The following RTF2 variants were observed in gnomAD, a reference collection of about 807,000 sequenced individuals.
The protein encoded by RTF2 is replication termination factor 2.
In RTF2, 18 loss-of-function variants were observed where a neutral mutation model predicts 38.0. The ratio of observed to expected loss-of-function variants is 0.47; its 90% confidence interval spans 0.33 to 0.70. The LOEUF (loss-of-function observed/expected upper bound fraction) is 0.70, where lower values mean the gene tolerates loss of function less well. RTF2 is among the 30% of genes least tolerant of loss of function. The pLI is 0.02. For missense variants in RTF2, 311 were observed against 379.6 expected, an observed-to-expected ratio of 0.82 and a Z score of 1.50; for synonymous variants, 126 against 137.1, an observed-to-expected ratio of 0.92 and a Z score of 0.57.
chr20:56,484,994 C>T (rs1443496661), intron 5 of RTF2, among the ~76,000 whole-genome samples: 2 of 152,152 alleles, frequency 1.3e-5, no homozygotes, highest in African/African-American at 2.4e-5. Context: ...TAGGGGCCAT[C>T]GTCTCTTCTA....
chr20:56,483,192 T>A (rs1458384005), intron 4 of RTF2, among the ~76,000 whole-genome samples: 2 of 152,150 alleles, frequency 1.3e-5, no homozygotes, highest in Non-Finnish European at 2.9e-5. Flanking sequence ...TTTGCACACT[T>A]GTGGGCATGT....
chr20:56,484,150 G>A lies in RTF2; in HGVS notation c.438G>A (p.Glu146=). The A allele has an allele frequency of 6.2e-7, 1 of 1,614,152 alleles. No individual in the cohort carries two copies. Among genetic ancestry groups the A allele is most frequent in the Non-Finnish European group, 8.5e-7 (1 of 1,180,018 alleles). The change falls in exon 5 of 9, where the codon GAG becomes GAA. Residue 146 remains glutamate, a synonymous_variant. Transcript: ENST00000357348. Reference sequence around the variant, plus strand: ...GGTGCTGCGGCTGTGTGTTTTCTGAGCGAGCCTTGAAAGAGATAAAAGCGG... The same window carrying A: ...GGTGCTGCGGCTGTGTGTTTTCTGAACGAGCCTTGAAAGAGATAAAAGCGG... ...FLRCCGCVFS[E]RALKEIKAEV...
intron 4 of RTF2, 79 bp from the exon 5 acceptor site, chr20:56,484,032 T>G: frequency 8.3e-7 from 1 of 1,203,680 alleles, no homozygotes; most frequent in Non-Finnish European, 1.2e-6. Context: ...TTGTGGTTCT[T>G]GGCCTTTGTA....
Position 56,473,467 on chromosome 20 carries a change from T to C in RTF2, c.164+72T>C, listed in dbSNP as rs907271957. The stretch of plus-strand genomic sequence containing the variant: ...AGAATTTTGATGTGTAAATGCAGTT[T>C]TCCATTCATCAAGCGTGGATTATCC... On this transcript the variant is annotated intron_variant, in intron 2 of 8. Coordinates refer to ENST00000357348, the MANE Select transcript of RTF2 (RefSeq NM_016407.5). 3 of 1,125,060 alleles carry C rather than the reference T, an allele frequency of 2.7e-6. No homozygotes were observed. The African/African-American group carries it at 4.6e-5, about 17-fold the overall frequency. The allele number at this position is 1,125,060 out of a possible 1,614,324, so 69.7% of individuals were successfully genotyped here.
intron 6 of RTF2, 129 bp downstream of exon 6, chr20:56,513,557 C>T: frequency 1.7e-6 from 2 of 1,190,334 alleles, no homozygotes; most frequent in Non-Finnish European, 2.3e-6. Context: ...CTAGAAGGGC[C>T]TGGACTGTAG....
intron 5 of RTF2, among the ~76,000 whole-genome samples, chr20:56,485,212 G>A (rs1041344910): frequency 1.3e-5 from 2 of 152,164 alleles, no homozygotes; most frequent in Non-Finnish European, 2.9e-5. Context: ...ATATCTGGAG[G>A]TTTGAGCTGA....
intron 4 of RTF2, among the ~76,000 whole-genome samples, chr20:56,477,378 A>G (rs1373720361): frequency 2.0e-5 from 3 of 152,170 alleles, no homozygotes; most frequent in East Asian, 1.9e-4. Context: ...CCTGAAGTGA[A>G]GTGGGATTCT....
intron 1 of RTF2, among the ~76,000 whole-genome samples, chr20:56,472,886 T>C (rs1267479803): frequency 6.6e-6 from 1 of 152,212 alleles, no homozygotes; most frequent in East Asian, 1.9e-4. Context: ...ATGCTTTCAA[T>C]ACCAGCAGTT....
chr20:56,468,633 T>G lies in RTF2; in HGVS notation c.-65T>G. The G allele has an allele frequency of 6.8e-7, 1 of 1,466,438 alleles. No individual in the cohort carries two copies. The highest frequency in any genetic ancestry group is 2.0e-5 in the Admixed American group (1 of 50,370). The allele number at this position is 1,466,438 out of a possible 1,614,324, so 90.8% of individuals were successfully genotyped here. ...CGGTGCGCCGGAAGTGGCTGCGGAT[T>G]TCGCCGGAAATCCCGGAAGTGACAG... On this transcript the variant is annotated 5_prime_UTR_variant, in exon 1 of 9. In the 5' UTR this introduces an upstream ATG that the reference lacks. Coordinates refer to ENST00000357348, the MANE Select transcript of RTF2 (RefSeq NM_016407.5).
intron 1 of RTF2, chr20:56,472,280 CTCTTCCTATTT>C: frequency 9.5e-7 from 1 of 1,049,546 alleles, no homozygotes; most frequent in South Asian, 1.5e-5. Flanking sequence ...TTTTTCTTTT[CTCTTCCTATTT>C]TCTTCCAAAT....
intron 4 of RTF2, among the ~76,000 whole-genome samples, chr20:56,481,073 G>A (rs752327817): frequency 6.6e-6 from 1 of 152,124 alleles, no homozygotes; most frequent in Non-Finnish European, 1.5e-5. Flanking sequence ...TCTGCAAAGC[G>A]CAATAAAACA....
intron 5 of RTF2, among the ~76,000 whole-genome samples, chr20:56,488,189 C>T (rs1025177579): frequency 4.6e-5 from 7 of 152,066 alleles, no homozygotes; most frequent in East Asian, 1.9e-4. Context: ...AATGAAACCC[C>T]GTCTCTACTA....
intron 5 of RTF2, among the ~76,000 whole-genome samples, chr20:56,493,581 A>G (rs1983308792): frequency 6.6e-6 from 1 of 151,882 alleles, no homozygotes; most frequent in Non-Finnish European, 1.5e-5. Flanking sequence ...ACTTGAGCCC[A>G]GAAAGTGGAG....
chr20:56,480,678 T>G (rs904601391), intron 4 of RTF2, among the ~76,000 whole-genome samples: 7 of 152,208 alleles, frequency 4.6e-5, no homozygotes, highest in African/African-American at 1.2e-4. Context: ...TTCTTTTACT[T>G]GGACACTTAA....
chr20:56,474,778 C>T lies in RTF2; in HGVS notation c.258+7C>T, dbSNP rs376822247. On this transcript the variant is annotated splice_region_variant and intron_variant, in intron 3 of 8. Transcript: ENST00000357348. ...TCACATTAAAAGCATTAAGGTAACA[C>T]GAGTGATTCTGAAGTGCTGTGAGGG... 1.4e-5 allele frequency: 22 copies of T among 1,565,870 alleles called. No homozygotes were observed. The highest frequency in any genetic ancestry group is 1.7e-4 in the Middle Eastern group (1 of 5,960).
At chr20:56,492,904 G>A (rs1338235355) in intron 5 of RTF2, among the ~76,000 whole-genome samples, 2 of 150,958 alleles carry the variant, frequency 1.3e-5, no homozygotes, top group African/African-American at 4.9e-5. Flanking sequence ...TTGGCTGGGC[G>A]CAGTGGGTGA....
intron 2 of RTF2, 125 bp downstream of exon 2, chr20:56,473,520 C>A: frequency 1.6e-6 from 1 of 640,570 alleles, no homozygotes. Flanking sequence ...CATAGGCTGT[C>A]GTTCCCTGTC....
rs1302280235 is a variant in RTF2 at position 56,472,353 on chromosome 20, T to TG, written c.70-946dup. ...TTGGCATTTGAAGAATGGGAAAGAGTGGTGCAGTCTACACAGTGAAGGAAA... is the reference window on the plus strand; with the variant it reads ...TTGGCATTTGAAGAATGGGAAAGAGTGGGTGCAGTCTACACAGTGAAGGAAA... On this transcript the variant is annotated intron_variant, in intron 1 of 8. Coordinates refer to ENST00000357348, the MANE Select transcript of RTF2 (RefSeq NM_016407.5). The TG allele has an allele frequency of 1.9e-5, 30 of 1,545,582 alleles. No homozygotes were observed. The East Asian group carries it at 7.1e-4, about 37-fold the overall frequency.
chr20:56,483,916 C>CT (rs550386169), intron 4 of RTF2, among the ~76,000 whole-genome samples, 195 bp from the exon 5 acceptor site: 18 of 151,836 alleles, frequency 1.2e-4, no homozygotes, highest in African/African-American at 4.1e-4. Context: ...CAGTTTTGAT[C>CT]TTTTTTTTAT....
Sources: gnomAD v4.1 joint callset for allele counts (sites outside exome capture counted in the v4.1 genomes callset) on GRCh38, gnomAD v4.1.1 for gene constraint, MANE v1.5 for transcripts, NCBI Gene and HGNC (gene_info 2026-07-23, HGNC 2026-07-21) for gene names.